The following EFR3A variants were observed in gnomAD, a reference collection of about 807,000 sequenced individuals.
EFR3A encodes EFR3 homolog A.
Under a neutral mutation model 104.4 loss-of-function variants are expected in EFR3A, and 76 were observed. The observed-to-expected ratio is 0.73, with a 90% confidence interval of 0.60 to 0.88. The LOEUF is 0.88. EFR3A is among the 40% of genes least tolerant of loss of function. The pLI, the probability that EFR3A is intolerant of heterozygous loss-of-function variation, is 0.00. For missense variants in EFR3A, 985 were observed against 1,012.5 expected (o/e 0.97, Z 0.37); for synonymous variants, 330 against 330.0 (o/e 1.00, Z 0.00).
rs916628157 is a variant in EFR3A at position 131,952,133 on chromosome 8, T to TACC, written c.489-1662_489-1660dup. On this transcript the variant is annotated intron_variant, in intron 5 of 22. Transcript: ENST00000254624. ...AAGAAACTTCAGCTGTGGTAGAAAT[T>TACC]ACCACCACCACCACCACCACCACCA... is the stretch of plus-strand genomic sequence containing the variant. Among the ~76,000 whole-genome samples, 208 of 151,852 alleles carry TACC rather than the reference T, an allele frequency of 1.4e-3. No individual in the cohort carries two copies. The Middle Eastern group carries it at 0.014, about 10-fold the overall frequency.
At chr8:131,984,104 C>T in intron 14 of EFR3A, 35 bp from the exon 15 acceptor site, 1 of 1,548,782 alleles carries the variant, frequency 6.5e-7, no homozygotes, top group Admixed American at 2.0e-5. Flanking sequence ...ACATTTTAAG[C>T]AAAATTACCT....
At chr8:131,951,647 A>G (rs913131024) in intron 5 of EFR3A, among the ~76,000 whole-genome samples, 4 of 152,096 alleles carry the variant, frequency 2.6e-5, no homozygotes, top group African/African-American at 7.2e-5. Context: ...TCTTTTGAAT[A>G]TATTTTTACC....
chr8:131,955,988 T>C (rs1818968847), intron 7 of EFR3A, 83 bp downstream of exon 7: 3 of 1,493,190 alleles, frequency 2.0e-6, no homozygotes, highest in Admixed American at 3.9e-5. Flanking sequence ...ACAACTACTT[T>C]TTTACTTGCA....
Position 131,970,775 on chromosome 8 carries a change from C to T in EFR3A, c.1159+132C>T, listed in dbSNP as rs545742010. Reference sequence around the variant, plus strand: ...CTTAAATTTCTGAAAATTTAATTTTCGAAAACAAGCAAGCATGAGAATGGA... The same window carrying T: ...CTTAAATTTCTGAAAATTTAATTTTTGAAAACAAGCAAGCATGAGAATGGA... On this transcript the variant is annotated intron_variant, in intron 10 of 22. Transcript: ENST00000254624. 21 of 842,380 alleles carry T rather than the reference C, an allele frequency of 2.5e-5. No individual in the cohort carries two copies. The Admixed American group carries it at 5.0e-4, about 20-fold the overall frequency. The allele number at this position is 842,380 out of a possible 1,614,324, so 52.2% of individuals were successfully genotyped here.
chr8:131,905,494 CTT>C (rs1346803580), intron 1 of EFR3A, among the ~76,000 whole-genome samples: 1 of 152,112 alleles, frequency 6.6e-6, no homozygotes, highest in Non-Finnish European at 1.5e-5. Flanking sequence ...TGTGGCAAAT[CTT>C]TACATAGTCC....
intron 13 of EFR3A, 145 bp from the exon 14 acceptor site, chr8:131,979,201 C>T (rs901944056): frequency 6.6e-6 from 6 of 914,228 alleles, no homozygotes; most frequent in Admixed American, 2.9e-5. Context: ...TTGGAGGGCA[C>T]GTATGTACTC....
intron 5 of EFR3A, among the ~76,000 whole-genome samples, chr8:131,952,787 T>C (rs939676924): frequency 9.8e-5 from 15 of 152,296 alleles, no homozygotes; most frequent in Admixed American, 9.8e-4. Context: ...CCACCTCCCA[T>C]TGTCCATCTG....
Position 131,968,283 on chromosome 8 carries a change from T to G in EFR3A, c.856-12T>G. ...CTTTTTATACATCTTTGTACTGTTT[T>G]GTCTCCTTCAGGCTCAGTATTCTCA... On this transcript the variant is annotated splice_polypyrimidine_tract_variant and intron_variant, in intron 8 of 22. Coordinates refer to ENST00000254624, the MANE Select transcript of EFR3A (RefSeq NM_015137.6). 6.2e-7 allele frequency: 1 copy of G among 1,612,500 alleles called. No homozygotes were observed. Among genetic ancestry groups the G allele is most frequent in the Non-Finnish European group, 8.5e-7 (1 of 1,179,018 alleles).
At chr8:131,948,807 T>C (rs772319798) in intron 4 of EFR3A, among the ~76,000 whole-genome samples, 1 of 152,138 alleles carries the variant, frequency 6.6e-6, no homozygotes, top group Non-Finnish European at 1.5e-5. Flanking sequence ...TAGTATTTCC[T>C]GGTGGTCTAA....
chr8:131,970,011 G>A (rs1819961294), intron 9 of EFR3A, among the ~76,000 whole-genome samples: 2 of 152,128 alleles, frequency 1.3e-5, no homozygotes, highest in Admixed American at 6.5e-5. Context: ...TAATAAATTT[G>A]GTAGTTTCTG....
In EFR3A at chr8:131,984,272, A is replaced by G. The variant is rs773772572; in HGVS notation, c.1709A>G (p.Asp570Gly). The part of the protein sequence containing the change: ...IELANEEVVI[D>G]LIRLAIALQD... ...CTGGCTAATGAAGAAGTAGTTATTG[A>G]TCTCATTCGACTGGCCATTGCTTTA... Residue 570 changes from aspartate to glycine, a missense_variant, in exon 15 of 23, where the codon GAT becomes GGT. By Grantham distance (94) the Asp-to-Gly change is moderately conservative (BLOSUM62 -1). Transcript: ENST00000254624. 1 of 1,605,704 alleles carries G rather than the reference A, an allele frequency of 6.2e-7. No individual in the cohort carries two copies. The highest frequency in any genetic ancestry group is 8.5e-7 in the Non-Finnish European group (1 of 1,176,332).
chr8:131,948,801 A>G (rs748203360), intron 4 of EFR3A, among the ~76,000 whole-genome samples: 1 of 152,124 alleles, frequency 6.6e-6, no homozygotes, highest in Non-Finnish European at 1.5e-5. Flanking sequence ...ATTACCTAGT[A>G]TTTCCTGGTG....
intron 18 of EFR3A, 117 bp downstream of exon 18, chr8:131,987,819 C>A (rs1269687272): frequency 1.8e-6 from 2 of 1,110,020 alleles, no homozygotes; most frequent in Non-Finnish European, 2.5e-6. Context: ...TATAGCCCAG[C>A]CATTTTCAAA....
At chr8:131,910,283 G>T (rs559485801) in intron 1 of EFR3A, among the ~76,000 whole-genome samples, 1 of 152,216 alleles carries the variant, frequency 6.6e-6, no homozygotes, top group African/African-American at 2.4e-5. Flanking sequence ...TCTTTCTCTG[G>T]TAATTTGAGA....
chr8:131,949,974 C>T lies in EFR3A; in HGVS notation c.372C>T (p.Val124=). 1 of 1,589,168 alleles carries T rather than the reference C, an allele frequency of 6.3e-7. No homozygotes were observed. Among genetic ancestry groups the T allele is most frequent in the Non-Finnish European group, 8.5e-7 (1 of 1,170,724 alleles). Residue 124 remains valine (V), a synonymous_variant, in exon 5 of 23, where the codon GTC becomes GTT. Transcript: ENST00000254624. The part of the protein sequence containing the change: ...KLQVLGTNSF[V]KFANIEEDTP... ...ATATTATTTGTGTTTTTTAGTTTGT[C>T]AAATTTGCAAATATTGAAGAAGACA...
intron 1 of EFR3A, among the ~76,000 whole-genome samples, chr8:131,931,494 A>G (rs947760313): frequency 6.6e-6 from 1 of 152,074 alleles, no homozygotes; most frequent in Non-Finnish European, 1.5e-5. Flanking sequence ...GTTTGCATCT[A>G]GCTTTGTTTT....
At chr8:131,910,216 G>C (rs1816450972) in intron 1 of EFR3A, among the ~76,000 whole-genome samples, 1 of 152,194 alleles carries the variant, frequency 6.6e-6, no homozygotes, top group Admixed American at 6.5e-5. Flanking sequence ...ATTCTGCTTA[G>C]ACTCTGACTC....
chr8:131,926,184 T>C (rs141889414), intron 1 of EFR3A, among the ~76,000 whole-genome samples: 45 of 152,256 alleles, frequency 3.0e-4, no homozygotes, highest in African/African-American at 1.0e-3. Flanking sequence ...TGAATTGCTG[T>C]CTCAAAGGCT....
chr8:131,973,727 C>G (rs1190516568), intron 10 of EFR3A, among the ~76,000 whole-genome samples: 1 of 151,992 alleles, frequency 6.6e-6, no homozygotes, highest in East Asian at 1.9e-4. Flanking sequence ...GGCTGTTGGC[C>G]AACTTCTCTT....
Sources: gnomAD v4.1 joint callset for allele counts (sites outside exome capture counted in the v4.1 genomes callset) on GRCh38, gnomAD v4.1.1 for gene constraint, MANE v1.5 for transcripts, NCBI Gene and HGNC (gene_info 2026-07-23, HGNC 2026-07-21) for gene names.